Variants in NDUFB3 observed in about 807,000 individuals in gnomAD.
The protein encoded by NDUFB3 is NADH dehydrogenase [ubiquinone] 1 beta subcomplex subunit 3.
NDUFB3 carries 7 observed loss-of-function variants against 9.0 expected under a neutral mutation model. The ratio of observed to expected loss-of-function variants is 0.78; its 90% CI spans 0.44 to 1.46. NDUFB3 has a LOEUF of 1.46. NDUFB3 is among the 40% of genes most tolerant of loss of function. NDUFB3 has a pLI of 0.01. For missense variants in NDUFB3, 93 were observed against 115.4 expected, an observed-to-expected ratio of 0.81 and a Z score of 0.89; for synonymous variants, 29 against 38.5, an observed-to-expected ratio of 0.75 and a Z score of 0.91.
chr2:201,072,497 A>C (rs558093784), intron 1 of NDUFB3: 2 of 152,292 alleles, frequency 1.3e-5, no homozygotes, highest in Admixed American at 6.5e-5. Flanking sequence ...TTATCTTCTT[A>C]TTTCTTTCTT....
intron 2 of NDUFB3, among the ~76,000 whole-genome samples, chr2:201,079,508 G>A (rs2047201085): frequency 6.6e-6 from 1 of 151,978 alleles, no homozygotes. Context: ...GGAGTGCAGT[G>A]GTGCGCTCAC....
intron 2 of NDUFB3, among the ~76,000 whole-genome samples, chr2:201,084,533 A>G (rs1056616943): frequency 3.3e-5 from 5 of 152,130 alleles, no homozygotes; most frequent in African/African-American, 1.2e-4. Context: ...GCTACTTGGG[A>G]GGCTGAGGTG....
rs142609245 is a variant in NDUFB3, at chr2:201,078,946, T to C, written c.64T>C (p.Trp22Arg). 2,686 of 1,613,274 alleles carry C rather than the reference T, an allele frequency of 1.7e-3. No homozygotes were observed. Among genetic ancestry groups the C allele is most frequent in the Non-Finnish European group, 2.0e-3 (2,391 of 1,179,680 alleles). ...HKMELPDYRQ[W>R]KIEGTPLETI... ...AATGGAACTTCCAGATTATAGACAA[T>C]GGAAGATAGAAGGGACACCATTAGA... The change falls in exon 2 of 3, where the codon TGG (tryptophan) becomes CGG (arginine). Residue 22 changes from tryptophan to arginine, a missense_variant. By Grantham distance (101) the Trp-to-Arg change is moderately radical (BLOSUM62 -3). Coordinates refer to ENST00000237889, the MANE Select transcript of NDUFB3 (RefSeq NM_002491.3).
In NDUFB3 at chr2:201,085,635, C is replaced by G; in HGVS notation, c.*20C>G. 1.3e-6 allele frequency: 2 copies of G among 1,599,978 alleles called. No individual in the cohort carries two copies. The highest frequency in any genetic ancestry group is 1.7e-6 in the Non-Finnish European group (2 of 1,173,428). On this transcript the variant is annotated 3_prime_UTR_variant, in exon 3 of 3. Transcript: ENST00000237889. The stretch of plus-strand genomic sequence containing the variant: ...CACTGAAGATAATACCTGGAAGCAT[C>G]ATAGTGGTTTCTTAACTCTCCAAAA...
chr2:201,079,093 A>G (rs111620892), intron 2 of NDUFB3, 71 bp downstream of exon 2: 1 of 1,476,050 alleles, frequency 6.8e-7, no homozygotes, highest in Non-Finnish European at 9.1e-7. Context: ...TTTTCAATGT[A>G]TTCTCCTTAG....
At chr2:201,074,220 TG>T (rs2047133457) in intron 1 of NDUFB3, among the ~76,000 whole-genome samples, 1 of 152,162 alleles carries the variant, frequency 6.6e-6, no homozygotes, top group Non-Finnish European at 1.5e-5. Flanking sequence ...CCCAAAGTGC[TG>T]GGATTACAGG....
At position 201,078,954 on chromosome 2, in the gene NDUFB3, A is replaced by G; in HGVS notation, c.72A>G (p.Ile24Met). 1.9e-6 allele frequency: 3 copies of G among 1,613,566 alleles called. No individual in the cohort carries two copies. The highest frequency in any genetic ancestry group is 2.5e-6 in the Non-Finnish European group (3 of 1,179,742). Reference sequence around the variant, plus strand: ...TTCCAGATTATAGACAATGGAAGATAGAAGGGACACCATTAGAAACTATCC... The same window carrying G: ...TTCCAGATTATAGACAATGGAAGATGGAAGGGACACCATTAGAAACTATCC... ...MELPDYRQWK[I>M]EGTPLETIQK... The change falls in exon 2 of 3, where the codon ATA (isoleucine) becomes ATG (methionine). Residue 24 changes from isoleucine to methionine, a missense_variant. Ile to Met is a conservative substitution (Grantham distance 10). Transcript: ENST00000237889.
At chr2:201,074,385 G>A (rs1271174906) in intron 1 of NDUFB3, among the ~76,000 whole-genome samples, 1 of 151,534 alleles carries the variant, frequency 6.6e-6, no homozygotes, top group African/African-American at 2.4e-5. Flanking sequence ...CTACCATATT[G>A]GACAGTGTCT....
At chr2:201,081,669 G>A (rs1352083650) in intron 2 of NDUFB3, among the ~76,000 whole-genome samples, 1 of 150,432 alleles carries the variant, frequency 6.6e-6, no homozygotes, top group Admixed American at 6.6e-5. Context: ...TTTTCTGGGA[G>A]ACAGAGTCTC....
chr2:201,080,157 A>G (rs2047207330), intron 2 of NDUFB3, among the ~76,000 whole-genome samples: 1 of 152,296 alleles, frequency 6.6e-6, no homozygotes, highest in East Asian at 1.9e-4. Context: ...CATATGAAGT[A>G]AGGATGAAGA....
At chr2:201,073,593 C>T (rs1253383419) in intron 1 of NDUFB3, among the ~76,000 whole-genome samples, 1 of 151,996 alleles carries the variant, frequency 6.6e-6, no homozygotes, top group East Asian at 1.9e-4. Flanking sequence ...ATGGTGAAAC[C>T]CAGTCTCTAC....
intron 2 of NDUFB3, among the ~76,000 whole-genome samples, chr2:201,081,576 GT>G (rs2047223089): frequency 6.6e-6 from 1 of 151,366 alleles, no homozygotes. Flanking sequence ...TTTATCAGCA[GT>G]ATTTTATTGC....
chr2:201,075,725 T>C (rs1279686831), intron 1 of NDUFB3, among the ~76,000 whole-genome samples: 1 of 152,158 alleles, frequency 6.6e-6, no homozygotes, highest in African/African-American at 2.4e-5. Context: ...TTCAAAGATT[T>C]ATCTTTCAAA....
intron 1 of NDUFB3, among the ~76,000 whole-genome samples, chr2:201,076,541 GT>G (rs945900892): frequency 2.8e-5 from 4 of 144,890 alleles, no homozygotes; most frequent in Non-Finnish European, 6.0e-5. Context: ...TCAACATAAT[GT>G]TTTTTAGTAT....
chr2:201,072,985 A>C (rs1387316788), intron 1 of NDUFB3, among the ~76,000 whole-genome samples: 1 of 152,166 alleles, frequency 6.6e-6, no homozygotes, highest in East Asian at 1.9e-4. Flanking sequence ...ACAGTATATA[A>C]ACAGTTATAC....
intron 1 of NDUFB3, among the ~76,000 whole-genome samples, chr2:201,077,255 T>TA (rs958080329): frequency 5.3e-5 from 8 of 151,000 alleles, no homozygotes; most frequent in East Asian, 3.9e-4. Flanking sequence ...AATAAAAATG[T>TA]AAAAAAAAAT....
Position 201,078,904 on chromosome 2 carries a change from G to A in NDUFB3, c.22G>A (p.Glu8Lys), listed in dbSNP as rs755181080. The A allele has an allele frequency of 1.2e-6, 2 of 1,611,500 alleles. No individual in the cohort carries two copies. The highest frequency in any genetic ancestry group is 1.1e-5 in the South Asian group (1 of 90,682). Residue 8 changes from glutamate to lysine, a missense_variant, in exon 2 of 3, where the codon GAG (glutamate) becomes AAG (lysine). Transcript: ENST00000237889. MAHEHGH[E>K]HGHHKMELPD... Reference sequence around the variant, plus strand: ...AGACATGGCCCATGAACATGGACATGAGCATGGACATCATAAAATGGAACT... The same window carrying A: ...AGACATGGCCCATGAACATGGACATAAGCATGGACATCATAAAATGGAACT...
At chr2:201,072,816 C>T (rs547023788) in intron 1 of NDUFB3, among the ~76,000 whole-genome samples, 4 of 152,122 alleles carry the variant, frequency 2.6e-5, no homozygotes, top group Non-Finnish European at 4.4e-5. Flanking sequence ...GAAGCAGACA[C>T]TCCTGTATCC....
At chr2:201,076,713 G>A (rs1484727405) in intron 1 of NDUFB3, among the ~76,000 whole-genome samples, 1 of 151,432 alleles carries the variant, frequency 6.6e-6, no homozygotes, top group Admixed American at 6.6e-5. Context: ...TCTGCCTTCT[G>A]GGTTCAAGCG....
Sources: allele counts gnomAD v4.1 joint callset (sites outside exome capture counted in the v4.1 genomes callset), GRCh38; gene constraint gnomAD v4.1.1; transcripts MANE v1.5; gene names NCBI Gene and HGNC (gene_info 2026-07-23, HGNC 2026-07-21).